SLCO1B3: variants seen among roughly 807,000 people sequenced by gnomAD.
SLCO1B3 encodes the protein solute carrier organic anion transporter family member 1B3.
SLCO1B3 carries 72 observed loss-of-function variants against 71.8 expected under a neutral mutation model. The ratio of observed to expected loss-of-function variants is 1.00; its 90% CI spans 0.83 to 1.22. The LOEUF is 1.22. SLCO1B3 is among the 50% of genes most tolerant of loss of function. The pLI, the probability that SLCO1B3 is intolerant of heterozygous loss-of-function variation, is 0.00. For synonymous variants in SLCO1B3, 298 were observed against 278.4 expected (o/e 1.07, Z -0.70); for missense variants, 911 against 819.7 (o/e 1.11, Z -1.36).
Position 20,861,002 on chromosome 12 carries a change from A to G in SLCO1B3, c.360-15A>G, listed in dbSNP as rs780758936. The G allele has an allele frequency of 6.4e-7, 1 of 1,552,044 alleles. No individual in the cohort carries two copies. On this transcript the variant is annotated splice_polypyrimidine_tract_variant and intron_variant, in intron 5 of 15. Transcript: ENST00000381545. ...GTAGATAAGCAAAATGTTCAATTTC[A>G]TGTTGCTCTTACAGTTATAGGTATT...
chr12:20,864,512 C>T (rs1258991313), intron 8 of SLCO1B3, among the ~76,000 whole-genome samples: 1 of 152,148 alleles, frequency 6.6e-6, no homozygotes, highest in African/African-American at 2.4e-5. Flanking sequence ...AAAACTAAAG[C>T]AAGTACCTGA....
intron 3 of SLCO1B3, among the ~76,000 whole-genome samples, chr12:20,816,832 C>A (rs1350038277): frequency 6.6e-6 from 1 of 152,120 alleles, no homozygotes; most frequent in Non-Finnish European, 1.5e-5. Context: ...ACAAGGAATT[C>A]CTTTTACTCC....
intron 10 of SLCO1B3, 113 bp downstream of exon 10, chr12:20,878,049 A>C (rs1375924437): frequency 5.8e-6 from 4 of 685,292 alleles, no homozygotes; most frequent in African/African-American, 5.8e-5. Context: ...ATGTAATCTT[A>C]TTATGTCTCA....
At chr12:20,831,030 T>G (rs1464582880) in intron 3 of SLCO1B3, among the ~76,000 whole-genome samples, 4 of 150,766 alleles carry the variant, frequency 2.7e-5, no homozygotes, top group Non-Finnish European at 4.4e-5. Flanking sequence ...GTTAGGAAGA[T>G]AGCAGTGTAT....
rs1865651904 is a variant in SLCO1B3 at position 20,879,619 on chromosome 12, T to C, written c.1319T>C (p.Leu440Ser). Residue 440 changes from leucine (L) to serine (S), a missense_variant, in exon 11 of 16, where the codon TTG becomes TCG. Physicochemically the swap from Leu to Ser is moderately radical, Grantham distance 145 (BLOSUM62 -2). Coordinates refer to ENST00000381545, the MANE Select transcript of SLCO1B3 (RefSeq NM_019844.4). ...AGCAAATCAGTTGCCGGCCTAACCT[T>C]GACCTATGATGGGTTTGTATATATT... ...CESKSVAGLTLTYDGNNSVAS... is the reference protein window; with the variant it reads ...CESKSVAGLTSTYDGNNSVAS... The C allele has an allele frequency of 6.2e-7, 1 of 1,606,178 alleles. No individual in the cohort carries two copies. Among genetic ancestry groups the C allele is most frequent in the Non-Finnish European group, 8.5e-7 (1 of 1,174,818 alleles).
At chr12:20,895,288 T>G (rs113082972) in intron 13 of SLCO1B3, among the ~76,000 whole-genome samples, 3,552 of 152,182 alleles carry the variant, frequency 0.023, 67 homozygotes, top group Non-Finnish European at 0.033. Context: ...AACCCAAAAG[T>G]CCACAGTCCA....
At chr12:20,887,140 T>A (rs1239870687) in intron 13 of SLCO1B3, among the ~76,000 whole-genome samples, 1 of 152,126 alleles carries the variant, frequency 6.6e-6, no homozygotes, top group Non-Finnish European at 1.5e-5. Flanking sequence ...TTAGAGTGAT[T>A]CCATGACTTT....
At chr12:20,816,261 A>C (rs1204571814) in intron 3 of SLCO1B3, among the ~76,000 whole-genome samples, 1 of 152,136 alleles carries the variant, frequency 6.6e-6, no homozygotes, top group Non-Finnish European at 1.5e-5. Context: ...GACTATAGTC[A>C]CCCTGTGGGC....
intron 3 of SLCO1B3, among the ~76,000 whole-genome samples, chr12:20,854,272 C>T (rs1055055140): frequency 6.6e-6 from 1 of 151,172 alleles, no homozygotes; most frequent in Non-Finnish European, 1.5e-5. Context: ...CCTGGTTGTT[C>T]TGTATATGAA....
rs1303723044 is a variant in SLCO1B3, at chr12:20,856,034, C to T, written c.226+865C>T. ...GAAGATTTATCTCTTTATATAAATTCAGAATATTTGTGATTCAAAGATATG... is the reference window on the plus strand; with the variant it reads ...GAAGATTTATCTCTTTATATAAATTTAGAATATTTGTGATTCAAAGATATG... On this transcript the variant is annotated intron_variant, in intron 4 of 15. Transcript: ENST00000381545. Among the ~76,000 whole-genome samples the T allele has an allele frequency of 3.9e-5, 6 of 152,072 alleles. No homozygotes were observed. In the East Asian group the frequency reaches 7.7e-4, roughly 20 times the overall value.
At chr12:20,906,839 A>T (rs1866255984) in intron 15 of SLCO1B3, among the ~76,000 whole-genome samples, 1 of 152,164 alleles carries the variant, frequency 6.6e-6, no homozygotes, top group East Asian at 1.9e-4. Context: ...AACAATCAAA[A>T]ATGTTGCTTG....
intron 7 of SLCO1B3, 93 bp from the exon 8 acceptor site, chr12:20,862,663 A>G: frequency 7.0e-7 from 1 of 1,437,590 alleles, no homozygotes; most frequent in Admixed American, 2.1e-5. Flanking sequence ...AAATATTTGC[A>G]GAAGTGTATT....
chr12:20,848,918 A>G (rs1864966768), intron 3 of SLCO1B3, among the ~76,000 whole-genome samples: 3 of 152,072 alleles, frequency 2.0e-5, no homozygotes, highest in Admixed American at 6.5e-5. Context: ...AGACCTATCA[A>G]TATACATTTA....
chr12:20,815,917 CAT>C (rs1258277096), intron 3 of SLCO1B3, 95 bp downstream of exon 3: 3 of 594,522 alleles, frequency 5.0e-6, no homozygotes, highest in Non-Finnish European at 8.5e-6. Flanking sequence ...CATTATATCT[CAT>C]ATTACAATTT....
At chr12:20,814,624 T>A (rs894051271) in intron 2 of SLCO1B3, among the ~76,000 whole-genome samples, 1 of 152,144 alleles carries the variant, frequency 6.6e-6, no homozygotes, top group South Asian at 2.1e-4. Context: ...GGCGCGGTGG[T>A]TCACGCCTGT....
At chr12:20,859,644 C>A (rs1248431479) in intron 5 of SLCO1B3, among the ~76,000 whole-genome samples, 2 of 152,074 alleles carry the variant, frequency 1.3e-5, no homozygotes, top group Non-Finnish European at 2.9e-5. Context: ...TTCTGTGTCC[C>A]ATAATTCCCT....
At chr12:20,845,180 GGT>G in intron 3 of SLCO1B3, 1 of 360,702 alleles carries the variant, frequency 2.8e-6, no homozygotes, top group Non-Finnish European at 5.6e-6. Flanking sequence ...CTATGTACAA[GGT>G]AGCCACATGG....
rs1212785739 is a variant in SLCO1B3, at chr12:20,858,795, A to C, written c.359+224A>C. The C allele has an allele frequency of 1.7e-5, 5 of 287,560 alleles. No homozygotes were observed. In the East Asian group the frequency reaches 3.1e-4, roughly 18 times the overall value. 17.8% of individuals were successfully genotyped at this position (287,560 alleles called of 1,614,324 possible). A position where few individuals can be genotyped will look rare whatever the true frequency, so the allele number is the denominator to read the frequency against. On this transcript the variant is annotated intron_variant, in intron 5 of 15. Transcript: ENST00000381545. Reference sequence around the variant, plus strand: ...TTTTATAAACTTTTAAATAAGAATAATATTATATAAGGTATACAGTTTTAT... The same window carrying C: ...TTTTATAAACTTTTAAATAAGAATACTATTATATAAGGTATACAGTTTTAT...
At chr12:20,877,455 A>G (rs1865604467) in intron 9 of SLCO1B3, among the ~76,000 whole-genome samples, 1 of 152,096 alleles carries the variant, frequency 6.6e-6, no homozygotes. Flanking sequence ...GAACTGTTCA[A>G]AAGTTGAGCA....
Sources: allele counts gnomAD v4.1 joint callset (sites outside exome capture counted in the v4.1 genomes callset), GRCh38; gene constraint gnomAD v4.1.1; transcripts MANE v1.5; gene names NCBI Gene and HGNC (gene_info 2026-07-23, HGNC 2026-07-21).